The following SPTBN1 variants were observed in gnomAD, a reference collection of about 807,000 sequenced individuals.
SPTBN1 encodes spectrin beta, non-erythrocytic 1.
A neutral mutation model predicts 266.4 loss-of-function variants in SPTBN1; 32 were observed. That is an observed-to-expected ratio of 0.12 (90% CI 0.09 to 0.16). The LOEUF (loss-of-function observed/expected upper bound fraction) is 0.16, where lower values mean the gene tolerates loss of function less well. Among genes scored for constraint, SPTBN1 ranks in the 10% least tolerant of loss-of-function variants. SPTBN1 has a pLI of 1.00. For missense variants in SPTBN1, 2,296 were observed against 3,067.1 expected (o/e 0.75, Z 5.94); for synonymous variants, 1,336 against 1,162.2 (o/e 1.15, Z -3.04).
intron 1 of SPTBN1, among the ~76,000 whole-genome samples, chr2:54,458,909 G>A (rs1331184414): frequency 1.3e-5 from 2 of 152,202 alleles, no homozygotes; most frequent in African/African-American, 4.8e-5. Flanking sequence ...GATTTCATGT[G>A]GCTCTGCAGA....
At chr2:54,652,465 T>C (rs912324333) in intron 26 of SPTBN1, 1 of 152,240 alleles carries the variant, frequency 6.6e-6, no homozygotes, top group Non-Finnish European at 1.5e-5. Flanking sequence ...GGATGCACCA[T>C]CATTAATTTA....
intron 3 of SPTBN1, among the ~76,000 whole-genome samples, chr2:54,604,243 C>A (rs1573511156): frequency 6.6e-6 from 1 of 152,260 alleles, no homozygotes; most frequent in East Asian, 1.9e-4. Context: ...CAGGGTGGAA[C>A]AGGGCATCGC....
intron 3 of SPTBN1, among the ~76,000 whole-genome samples, chr2:54,605,036 G>A (rs1288929107): frequency 6.6e-6 from 1 of 152,146 alleles, no homozygotes; most frequent in Non-Finnish European, 1.5e-5. Context: ...TAGGGAATCC[G>A]ATGGCCAATA....
intron 1 of SPTBN1, among the ~76,000 whole-genome samples, chr2:54,523,967 A>G (rs1262143507): frequency 6.6e-6 from 1 of 152,228 alleles, no homozygotes; most frequent in Non-Finnish European, 1.5e-5. Flanking sequence ...TGGGAGGCCA[A>G]GGTGGGCAGA....
intron 1 of SPTBN1, among the ~76,000 whole-genome samples, chr2:54,496,403 A>T (rs1668970420): frequency 6.9e-6 from 1 of 145,676 alleles, no homozygotes; most frequent in African/African-American, 2.6e-5. Flanking sequence ...GCGCCACTGC[A>T]CTCCAGCCTG....
intron 17 of SPTBN1, 111 bp from the exon 18 acceptor site, chr2:54,637,602 C>T (rs1558455512): frequency 3.5e-6 from 3 of 852,318 alleles, no homozygotes; most frequent in Non-Finnish European, 5.4e-6. Context: ...GAACTGCAAG[C>T]AAACTCTTTT....
At chr2:54,635,363 T>A (rs1679048880) in intron 17 of SPTBN1, among the ~76,000 whole-genome samples, 1 of 152,232 alleles carries the variant, frequency 6.6e-6, no homozygotes, top group African/African-American at 2.4e-5. Context: ...CAGTCCCAGA[T>A]GCCTGTGTGG....
chr2:54,656,139 T>G, intron 29 of SPTBN1, 141 bp downstream of exon 29: 1 of 646,710 alleles, frequency 1.5e-6, no homozygotes, highest in Non-Finnish European at 2.6e-6. Flanking sequence ...GTTTCACCAT[T>G]TCATGGTAAA....
chr2:54,642,845 G>A (rs1679668128), intron 18 of SPTBN1, 138 bp from the exon 19 acceptor site: 1 of 1,080,354 alleles, frequency 9.3e-7, no homozygotes, highest in East Asian at 2.5e-5. Flanking sequence ...TCAGAGTTGT[G>A]AAGTTAAATA....
rs984422602 is a variant in SPTBN1 at position 54,533,590 on chromosome 2, A to G, written c.148+7024A>G. Among the ~76,000 whole-genome samples, 1 of 152,082 alleles carries G rather than the reference A, an allele frequency of 6.6e-6. No individual in the cohort carries two copies. The highest frequency in any genetic ancestry group is 2.4e-5 in the African/African-American group (1 of 41,418). Reference sequence around the variant, plus strand: ...AGTAAGATGGAGTTTCGCTCTTGTCACCCAGGCTGTAGTACGATGGCGCGA... The same window carrying G: ...AGTAAGATGGAGTTTCGCTCTTGTCGCCCAGGCTGTAGTACGATGGCGCGA... On this transcript the variant is annotated intron_variant, in intron 2 of 35. Transcript: ENST00000356805. This position sits in a 1 kb window ranked among gnomAD's most constrained non-coding sequence, Gnocchi z 4.2.
chr2:54,492,247 T>A (rs921266000), intron 1 of SPTBN1, among the ~76,000 whole-genome samples: 1 of 152,162 alleles, frequency 6.6e-6, no homozygotes, highest in African/African-American at 2.4e-5. Context: ...TAAAAAATTG[T>A]TTTGAAAACA....
In SPTBN1 at chr2:54,566,277, C is replaced by T. The variant is rs368956473; in HGVS notation, c.149-32815C>T. On this transcript the variant is annotated intron_variant, in intron 2 of 35. Coordinates refer to ENST00000356805, the MANE Select transcript of SPTBN1 (RefSeq NM_003128.3). ...GATCTCAGCTCACCGCAACGTCCGCCTCCGGGTTCAAGCAATTCTCTTGCC... is the reference window on the plus strand; with the variant it reads ...GATCTCAGCTCACCGCAACGTCCGCTTCCGGGTTCAAGCAATTCTCTTGCC... 3.3e-4 allele frequency among the ~76,000 whole-genome samples: 50 copies of T among 150,466 alleles called. No individual in the cohort carries two copies. The East Asian group carries it at 5.9e-3, about 18-fold the overall frequency.
chr2:54,540,905 C>T lies in SPTBN1; in HGVS notation c.148+14339C>T, dbSNP rs1671896707. Among the ~76,000 whole-genome samples, 1 of 152,216 alleles carries T rather than the reference C, an allele frequency of 6.6e-6. No individual in the cohort carries two copies. The highest frequency in any genetic ancestry group is 2.4e-5 in the African/African-American group (1 of 41,456). ...GTAGATTACCTCTATTTTGCTGCAA[C>T]AGCCAAAGGCCATTCATCTGCCCCT... On this transcript the variant is annotated intron_variant, in intron 2 of 35. Coordinates refer to ENST00000356805, the MANE Select transcript of SPTBN1 (RefSeq NM_003128.3). This position sits in a 1 kb window ranked among gnomAD's most constrained non-coding sequence, Gnocchi z 5.6.
At chr2:54,564,093 G>T (rs1186189058) in intron 2 of SPTBN1, among the ~76,000 whole-genome samples, 2 of 152,250 alleles carry the variant, frequency 1.3e-5, no homozygotes, top group Middle Eastern at 6.8e-3. Flanking sequence ...ATGTGTTAAG[G>T]GAGCTGCCCA....
chr2:54,629,183 C>G lies in SPTBN1; in HGVS notation c.2049C>G (p.Phe683Leu). Residue 683 changes from phenylalanine to leucine, a missense_variant, in exon 14 of 36, where the codon TTC (phenylalanine) becomes TTG (leucine). Phe to Leu is a conservative substitution (Grantham distance 22). Around this residue, in one of 12 missense-constraint regions of SPTBN1, gnomAD observed 434 missense variants for 573.9 expected, o/e 0.76. Coordinates refer to ENST00000356805, the MANE Select transcript of SPTBN1 (RefSeq NM_003128.3). Reference protein sequence around the residue: ...VMRLLSKHRAFEDEMSGRSGH... With the variant: ...VMRLLSKHRALEDEMSGRSGH... ...GCCTGCTCAGCAAGCACCGGGCGTT[C>G]GAGGACGAGATGAGCGGCCGCAGTG... 1 of 1,613,576 alleles carries G rather than the reference C, an allele frequency of 6.2e-7. No individual in the cohort carries two copies. Among genetic ancestry groups the G allele is most frequent in the Non-Finnish European group, 8.5e-7 (1 of 1,179,924 alleles).
At chr2:54,638,632 A>C (rs1045069826) in intron 18 of SPTBN1, among the ~76,000 whole-genome samples, 1 of 152,230 alleles carries the variant, frequency 6.6e-6, no homozygotes, top group African/African-American at 2.4e-5. Flanking sequence ...TATCTAGCTG[A>C]TTTCACGTGT....
intron 3 of SPTBN1, among the ~76,000 whole-genome samples, chr2:54,600,585 G>C (rs1363938546): frequency 1.3e-5 from 2 of 152,152 alleles, no homozygotes; most frequent in African/African-American, 4.8e-5. Context: ...AGTGAGTCTT[G>C]TTTGAGAGCC....
chr2:54,589,692 G>A (rs1487813819), intron 2 of SPTBN1, among the ~76,000 whole-genome samples: 1 of 152,194 alleles, frequency 6.6e-6, no homozygotes, highest in Non-Finnish European at 1.5e-5. Context: ...GTCACAGGGA[G>A]GACTTCAGTC....
intron 2 of SPTBN1, among the ~76,000 whole-genome samples, chr2:54,559,464 A>C (rs1239343502): frequency 6.6e-6 from 1 of 152,190 alleles, no homozygotes; most frequent in Non-Finnish European, 1.5e-5. Context: ...AAAGCCGGTT[A>C]TTGTCATTTC....
Sources: gnomAD v4.1 joint callset for allele counts (sites outside exome capture counted in the v4.1 genomes callset) on GRCh38, gnomAD v4.1.1 for gene constraint, gnomAD v4.1.1 regional missense constraint, Gnocchi (gnomAD v3.1) non-coding constraint, MANE v1.5 for transcripts, NCBI Gene and HGNC (gene_info 2026-07-23, HGNC 2026-07-21) for gene names.